The following TNRC18 variants were observed in gnomAD, a reference collection of about 807,000 sequenced individuals.
TNRC18 encodes the protein trinucleotide repeat containing 18, also known as trinucleotide repeat-containing gene 18 protein.
TNRC18 carries 69 observed loss-of-function variants against 226.7 expected under a neutral mutation model. That is an observed-to-expected ratio of 0.30 (90% CI 0.25 to 0.37). The LOEUF (loss-of-function observed/expected upper bound fraction) is 0.37. TNRC18 is among the 10% of genes least tolerant of loss of function. The pLI, the probability that TNRC18 is intolerant of heterozygous loss-of-function variation, is 1.00. For missense variants in TNRC18, 4,754 were observed against 4,256.6 expected, an observed-to-expected ratio of 1.12 and a Z score of -3.25; for synonymous variants, 2,449 against 1,927.6, an observed-to-expected ratio of 1.27 and a Z score of -7.09.
At chr7:5,387,132 T>C (rs565312319) in intron 5 of TNRC18, among the ~76,000 whole-genome samples, 1 of 152,302 alleles carries the variant, frequency 6.6e-6, no homozygotes, top group South Asian at 2.1e-4. Flanking sequence ...CAGATACTCA[T>C]AAACCACTTA....
At position 5,312,343 on chromosome 7, in the gene TNRC18, C is replaced by CT. The variant is rs1441150288; in HGVS notation, c.8388+159dup. The stretch of plus-strand genomic sequence containing the variant: ...ACAGACCCAGGTGCCTGAGGACACT[C>CT]TGAGACTCAGTGTACCCATCCATAA... On this transcript the variant is annotated intron_variant, in intron 27 of 29. Transcript: ENST00000430969. The surrounding 1 kb of genome is among the most constrained non-coding windows in gnomAD (Gnocchi z 6.3). Among the ~76,000 whole-genome samples the CT allele has an allele frequency of 3.9e-5, 6 of 152,222 alleles. No homozygotes were observed. Among genetic ancestry groups the CT allele is most frequent in the Non-Finnish European group, 8.8e-5 (6 of 68,038 alleles).
intron 2 of TNRC18, chr7:5,407,292 A>C (rs1339867018): frequency 6.6e-6 from 1 of 152,312 alleles, no homozygotes; most frequent in Non-Finnish European, 1.5e-5. Flanking sequence ...CAGAACCAGG[A>C]CCAAGACTGC....
intron 2 of TNRC18, among the ~76,000 whole-genome samples, chr7:5,403,697 G>A (rs1409619600): frequency 1.3e-5 from 2 of 151,790 alleles, no homozygotes; most frequent in African/African-American, 4.8e-5. Flanking sequence ...GAGGTTGAAG[G>A]CACGAGGATC....
intron 11 of TNRC18, among the ~76,000 whole-genome samples, chr7:5,365,821 G>C (rs1793559220): frequency 6.6e-6 from 1 of 151,972 alleles, no homozygotes; most frequent in Non-Finnish European, 1.5e-5. Flanking sequence ...TGTAATCCCA[G>C]CATTTTGGGA....
rs1433028511 is a variant in TNRC18 at position 5,356,998 on chromosome 7, C to T, written c.5112G>A (p.Lys1704=). The change falls in exon 16 of 30, where the codon AAG becomes AAA. Residue 1704 remains lysine (K), a synonymous_variant. Coordinates refer to ENST00000430969, the MANE Select transcript of TNRC18 (RefSeq NM_001080495.3). ...GKHKRAAKTR[K]MEVGFKARGQ... ...CTCTGGCCTTGAACCCCACCTCCAT[C>T]TTCCTGGTTTTGGCTGCCCTTTTGT... is the stretch of plus-strand genomic sequence containing the variant. 1.3e-6 allele frequency: 2 copies of T among 1,552,332 alleles called. No individual in the cohort carries two copies. Among genetic ancestry groups the T allele is most frequent in the Non-Finnish European group, 1.7e-6 (2 of 1,147,134 alleles).
At chr7:5,376,359 G>T in intron 8 of TNRC18, 135 bp from the exon 9 acceptor site, 2 of 806,060 alleles carry the variant, frequency 2.5e-6, no homozygotes, top group Non-Finnish European at 3.7e-6. Flanking sequence ...GCCCCCGGCT[G>T]CTCCCCAGGG....
At chr7:5,401,911 C>T (rs945802922) in intron 2 of TNRC18, among the ~76,000 whole-genome samples, 1 of 152,018 alleles carries the variant, frequency 6.6e-6, no homozygotes, top group Non-Finnish European at 1.5e-5. Flanking sequence ...CGTGGTGGCT[C>T]ACACCTGTAA....
At chr7:5,410,204 G>A (rs1181258552) in intron 2 of TNRC18, among the ~76,000 whole-genome samples, 3 of 150,600 alleles carry the variant, frequency 2.0e-5, no homozygotes, top group Non-Finnish European at 4.4e-5. Flanking sequence ...CCAGCTACTC[G>A]GGAGGCTGAG....
At chr7:5,366,372 AG>A in intron 11 of TNRC18, among the ~76,000 whole-genome samples, 1 of 113,664 alleles carries the variant, frequency 8.8e-6, no homozygotes, top group Middle Eastern at 0.011. Context: ...TCTGTCGCCC[AG>A]GCTGGAGTGC....
chr7:5,357,184 C>T lies in TNRC18; in HGVS notation c.4926G>A (p.Leu1642=). 6.2e-7 allele frequency: 1 copy of T among 1,609,248 alleles called. No individual in the cohort carries two copies. Among genetic ancestry groups the T allele is most frequent in the Non-Finnish European group, 8.5e-7 (1 of 1,177,888 alleles). The change falls in exon 16 of 30, where the codon TTG becomes TTA. Residue 1642 remains leucine (L), a synonymous_variant. Coordinates refer to ENST00000430969, the MANE Select transcript of TNRC18 (RefSeq NM_001080495.3). ...KALSLTKQDK[L]KSPFKFSDSA... ...TGTCCGAAAACTTGAAGGGCGACTT[C>T]AACTTGTCCTGCTTGGTGAGGGAGA...
intron 2 of TNRC18, among the ~76,000 whole-genome samples, chr7:5,405,299 C>T (rs546934307): frequency 6.6e-6 from 1 of 151,882 alleles, no homozygotes; most frequent in South Asian, 2.1e-4. Context: ...CTAGGCACTG[C>T]GGCTCACACA....
At chr7:5,345,305 G>A (rs566745471) in intron 18 of TNRC18, among the ~76,000 whole-genome samples, 3 of 152,312 alleles carry the variant, frequency 2.0e-5, no homozygotes, top group Admixed American at 6.5e-5. Context: ...CCAAAACAGG[G>A]CTGTGTTTGC....
At chr7:5,401,946 C>T (rs10238913) in intron 2 of TNRC18, among the ~76,000 whole-genome samples, 15,501 of 151,938 alleles carry the variant, frequency 0.1, 1,291 homozygotes, top group African/African-American at 0.22. Context: ...GAGGCCGAGG[C>T]GGGCAGCTCA....
chr7:5,312,061 G>C lies in TNRC18; in HGVS notation c.8388+442C>G, dbSNP rs1485200811. ...TGACGCAGGAGAATTGCTTGAACCC[G>C]GGAGGCAGAGGGTGCAGTAAGCCAA... On this transcript the variant is annotated intron_variant, in intron 27 of 29. Transcript: ENST00000430969. The surrounding 1 kb of genome is among the most constrained non-coding windows in gnomAD (Gnocchi z 6.3). 1.3e-5 allele frequency among the ~76,000 whole-genome samples: 2 copies of C among 152,046 alleles called. No individual in the cohort carries two copies. The highest frequency in any genetic ancestry group is 3.9e-4 in the East Asian group (2 of 5,162).
At chr7:5,419,273 A>C (rs893771855) in intron 2 of TNRC18, among the ~76,000 whole-genome samples, 3 of 152,240 alleles carry the variant, frequency 2.0e-5, no homozygotes, top group Non-Finnish European at 2.9e-5. Context: ...ACCGCTTCGC[A>C]TTAGGGCACT....
intron 11 of TNRC18, 142 bp downstream of exon 11, chr7:5,370,233 A>C: frequency 6.2e-6 from 6 of 960,270 alleles, no homozygotes; most frequent in Non-Finnish European, 9.0e-6. Flanking sequence ...TGGGGAGGGA[A>C]GATCACTTGA....
intron 18 of TNRC18, 43 bp downstream of exon 18, chr7:5,345,519 C>CGG: frequency 5.7e-6 from 1 of 174,074 alleles, no homozygotes. Flanking sequence ...TGGCGTCCGC[C>CGG]CCTCCCACCC....
intron 5 of TNRC18, among the ~76,000 whole-genome samples, chr7:5,379,310 C>T (rs973401623): frequency 2.0e-5 from 3 of 151,564 alleles, no homozygotes; most frequent in Non-Finnish European, 4.4e-5. Context: ...GGATCTCTTG[C>T]GCCGGGGAGG....
At chr7:5,345,524 C>CCCCCCCCCCCCCCCCCACCCCCCCCCCA in intron 18 of TNRC18, 38 bp downstream of exon 18, 1 of 182,374 alleles carries the variant, frequency 5.5e-6, no homozygotes, top group Non-Finnish European at 1.2e-5. Context: ...TCCGCCCCTC[C>CCCCCCCCCCCCCCCCCACCCCCCCCCCA]CACCCACCCC....
Sources: gnomAD v4.1 joint callset for allele counts (sites outside exome capture counted in the v4.1 genomes callset) on GRCh38, gnomAD v4.1.1 for gene constraint, Gnocchi (gnomAD v3.1) non-coding constraint, MANE v1.5 for transcripts, NCBI Gene and HGNC (gene_info 2026-07-23, HGNC 2026-07-21) for gene names.